The following RYR2 variants were observed in gnomAD, a reference collection of about 807,000 sequenced individuals.
The protein encoded by RYR2 is ryanodine receptor 2.
In RYR2, 227 loss-of-function variants were observed where a neutral mutation model predicts 601.1. The observed-to-expected ratio is 0.38, with a 90% CI of 0.34 to 0.42. RYR2 has a LOEUF of 0.42. RYR2 is among the 10% of genes least tolerant of loss of function. The pLI, the probability that RYR2 is intolerant of heterozygous loss-of-function variation, is 1.00. For synonymous variants in RYR2, 2,223 were observed against 2,175.1 expected, an observed-to-expected ratio of 1.02 and a Z score of -0.61; for missense variants, 4,646 against 6,156.5, an observed-to-expected ratio of 0.75 and a Z score of 8.21.
In RYR2 at chr1:237,439,927, G is replaced by A. The variant is rs190611052; in HGVS notation, c.1006-1392G>A. 7.0e-4 allele frequency among the ~76,000 whole-genome samples: 106 copies of A among 152,206 alleles called. 2 individuals are homozygous for A. The highest frequency in any genetic ancestry group is 1.3e-4 in the Non-Finnish European group (9 of 68,000). On this transcript the variant is annotated intron_variant, in intron 12 of 104. Transcript: ENST00000366574. ...AGAATTTAATTTTTCTATTGACAGG[G>A]TTGGTAAAAGTAGATTAGTAGTTTA...
At chr1:237,392,889 T>A (rs1025255618) in intron 10 of RYR2, among the ~76,000 whole-genome samples, 1 of 152,182 alleles carries the variant, frequency 6.6e-6, no homozygotes, top group Non-Finnish European at 1.5e-5. Flanking sequence ...TGACTATGAT[T>A]TTCTGGGTGC....
intron 24 of RYR2, 43 bp downstream of exon 24, chr1:237,511,834 GAAAAAAAAAAAA>G (rs71561879): frequency 1.6e-4 from 31 of 189,058 alleles, no homozygotes; most frequent in South Asian, 7.9e-4. Context: ...TGCCTTCCCT[GAAAAAAAAAAAA>G]AAAAAAAAAA....
At chr1:237,138,541 A>G (rs1673055767) in intron 1 of RYR2, among the ~76,000 whole-genome samples, 1 of 152,170 alleles carries the variant, frequency 6.6e-6, no homozygotes, top group South Asian at 2.1e-4. Flanking sequence ...TTTTTATTAG[A>G]TTGGTGGTTT....
intron 20 of RYR2, among the ~76,000 whole-genome samples, chr1:237,497,633 C>T (rs940885404): frequency 1.3e-5 from 2 of 152,168 alleles, no homozygotes; most frequent in Admixed American, 6.5e-5. Context: ...AACTTTGCCT[C>T]ATGTGGAGTA....
In RYR2 at chr1:237,792,349, CTGTGTGTGTG is replaced by C. The variant is rs34337859; in HGVS notation, c.13782+49_13782+58del. 25,789 of 703,862 alleles carry C rather than the reference CTGTGTGTGTG, an allele frequency of 0.037. 326 individuals carry two copies. Among genetic ancestry groups the C allele is most frequent in the South Asian group, 0.087 (4,043 of 46,568 alleles). The allele number at this position is 703,862 out of a possible 1,614,324, so 43.6% of individuals were successfully genotyped here. A position where few individuals can be genotyped will look rare whatever the true frequency, so the allele number is the denominator to read the frequency against. ...GTAAGATAGTAAGGCACCAAGGTAC[CTGTGTGTGTG>C]TGTGTGTGTGTGTGTGTGTGTGCGT... On this transcript the variant is annotated intron_variant, in intron 94 of 104. Coordinates refer to ENST00000366574, the MANE Select transcript of RYR2 (RefSeq NM_001035.3).
chr1:237,139,221 T>C (rs1022902853), intron 1 of RYR2, among the ~76,000 whole-genome samples: 2 of 152,200 alleles, frequency 1.3e-5, no homozygotes, highest in Admixed American at 1.3e-4. Flanking sequence ...TACTACCATA[T>C]ATACTACCAC....
At chr1:237,533,285 T>C (rs554781260) in intron 25 of RYR2, among the ~76,000 whole-genome samples, 9 of 152,314 alleles carry the variant, frequency 5.9e-5, no homozygotes, top group South Asian at 2.1e-4. Flanking sequence ...GGTATTGATA[T>C]GTATGCAGAT....
intron 24 of RYR2, among the ~76,000 whole-genome samples, chr1:237,517,461 A>G (rs997265022): frequency 6.6e-6 from 1 of 152,192 alleles, no homozygotes; most frequent in African/African-American, 2.4e-5. Context: ...GCCACACACA[A>G]AATACACTAA....
chr1:237,349,289 G>T (rs1698557327), intron 3 of RYR2, among the ~76,000 whole-genome samples: 2 of 152,184 alleles, frequency 1.3e-5, no homozygotes, highest in African/African-American at 2.4e-5. Flanking sequence ...GAAGACAAAG[G>T]CATGATATCT....
Position 237,796,813 on chromosome 1 carries a change from C to T in RYR2, c.13957-1224C>T, listed in dbSNP as rs143477872. 7.6e-3 allele frequency among the ~76,000 whole-genome samples: 1,153 copies of T among 152,018 alleles called. 11 individuals are homozygous for T. The highest frequency in any genetic ancestry group is 0.018 in the South Asian group (85 of 4,816). On this transcript the variant is annotated intron_variant, in intron 96 of 104. Transcript: ENST00000366574. Reference sequence around the variant, plus strand: ...TCTTTTTTTGTTTTTGAGACAGAGTCTCACTCTGTTGCCCAGGCTGGAGTG... The same window carrying T: ...TCTTTTTTTGTTTTTGAGACAGAGTTTCACTCTGTTGCCCAGGCTGGAGTG...
At chr1:237,718,797 C>CT (rs1478326331) in intron 73 of RYR2, among the ~76,000 whole-genome samples, 3 of 151,910 alleles carry the variant, frequency 2.0e-5, no homozygotes, top group Admixed American at 2.0e-4. Flanking sequence ...AATTATTATA[C>CT]TTTAAGTTTT....
chr1:237,085,754 C>T (rs1666255502), intron 1 of RYR2, among the ~76,000 whole-genome samples: 1 of 152,088 alleles, frequency 6.6e-6, no homozygotes, highest in South Asian at 2.1e-4. Flanking sequence ...GCACCTGCTT[C>T]TGACTTTTTT....
intron 1 of RYR2, among the ~76,000 whole-genome samples, chr1:237,138,847 G>A (rs1396333759): frequency 6.6e-6 from 1 of 152,208 alleles, no homozygotes; most frequent in Non-Finnish European, 1.5e-5. Context: ...AATCTGCAAT[G>A]AGATACCACT....
At chr1:237,515,584 A>G (rs924985158) in intron 24 of RYR2, among the ~76,000 whole-genome samples, 9 of 151,592 alleles carry the variant, frequency 5.9e-5, no homozygotes, top group African/African-American at 2.2e-4. Flanking sequence ...AGAGCAAGTT[A>G]GTTTCTCATA....
At chr1:237,178,142 C>A (rs570393689) in intron 1 of RYR2, among the ~76,000 whole-genome samples, 1 of 152,200 alleles carries the variant, frequency 6.6e-6, no homozygotes, top group South Asian at 2.1e-4. Context: ...GCTCAAATAT[C>A]TTTTCATGTG....
chr1:237,120,578 T>A (rs1488019585), intron 1 of RYR2, among the ~76,000 whole-genome samples: 1 of 152,156 alleles, frequency 6.6e-6, no homozygotes, highest in African/African-American at 2.4e-5. Context: ...CTAAGTAGCT[T>A]TGTGGCCTAA....
At chr1:237,268,123 C>T (rs1424487686) in intron 1 of RYR2, among the ~76,000 whole-genome samples, 1 of 152,160 alleles carries the variant, frequency 6.6e-6, no homozygotes, top group Non-Finnish European at 1.5e-5. Flanking sequence ...ATCTTGCTGT[C>T]TTCTCTTATT....
chr1:237,558,435 G>A lies in RYR2; in HGVS notation c.3214+7744G>A, dbSNP rs1026956432. Among the ~76,000 whole-genome samples, 26 of 152,194 alleles carry A rather than the reference G, an allele frequency of 1.7e-4. No homozygotes were observed. In the Middle Eastern group the frequency reaches 0.014, roughly 80 times the overall value. ...TTTTAGTACTCAGATATATCATCCC[G>A]CTGCCTTCTGGCCTTTATGTTTTCT... On this transcript the variant is annotated intron_variant, in intron 27 of 104. Coordinates refer to ENST00000366574, the MANE Select transcript of RYR2 (RefSeq NM_001035.3).
chr1:237,364,382 C>A lies in RYR2; in HGVS notation c.309+10C>A. ...GAAATTCATGATGAAGGTAAGACATCTTAATATATATGCTATGTATATATA... is the reference window on the plus strand; with the variant it reads ...GAAATTCATGATGAAGGTAAGACATATTAATATATATGCTATGTATATATA... On this transcript the variant is annotated intron_variant, in intron 5 of 104. Coordinates refer to ENST00000366574, the MANE Select transcript of RYR2 (RefSeq NM_001035.3). The A allele has an allele frequency of 6.6e-7, 1 of 1,504,610 alleles. No homozygotes were observed. The highest frequency in any genetic ancestry group is 9.1e-7 in the Non-Finnish European group (1 of 1,096,422). The allele number at this position is 1,504,610 out of a possible 1,614,324, so 93.2% of individuals were successfully genotyped here. A position where few individuals can be genotyped will look rare whatever the true frequency, so the allele number is the denominator to read the frequency against.
Sources: gnomAD v4.1 joint callset for allele counts (sites outside exome capture counted in the v4.1 genomes callset) on GRCh38, gnomAD v4.1.1 for gene constraint, MANE v1.5 for transcripts, NCBI Gene and HGNC (gene_info 2026-07-23, HGNC 2026-07-21) for gene names.